Variants in CPLX2 observed in about 807,000 individuals in gnomAD.
CPLX2 encodes the protein complexin-2.
A neutral mutation model predicts 16.3 loss-of-function variants in CPLX2; 5 were observed. That is an observed-to-expected ratio of 0.31 (90% CI 0.16 to 0.64). CPLX2 has a LOEUF of 0.64. Among genes scored for constraint, CPLX2 ranks in the 30% least tolerant of loss-of-function variants. The pLI is 0.79. For synonymous variants in CPLX2, 89 were observed against 73.2 expected (o/e 1.22, Z -1.10); for missense variants, 144 against 181.4 (o/e 0.79, Z 1.18).
intron 2 of CPLX2, among the ~76,000 whole-genome samples, chr5:175,838,523 C>T (rs1430028104): frequency 6.6e-6 from 1 of 151,846 alleles, no homozygotes; most frequent in Non-Finnish European, 1.5e-5. Context: ...CCGCCTCGGC[C>T]TCCCAAAAGT....
At chr5:175,805,102 C>CT (rs1758171954) in intron 1 of CPLX2, among the ~76,000 whole-genome samples, 1 of 152,202 alleles carries the variant, frequency 6.6e-6, no homozygotes, top group Non-Finnish European at 1.5e-5. Context: ...GCTGTGGCCG[C>CT]TGCTGGTGGT....
chr5:175,810,848 T>C (rs1758299187), intron 2 of CPLX2, among the ~76,000 whole-genome samples: 1 of 152,220 alleles, frequency 6.6e-6, no homozygotes, highest in Non-Finnish European at 1.5e-5. Flanking sequence ...AATAAACTGG[T>C]CAGGTGGAAT....
chr5:175,874,011 G>GCAC (rs1759698892), intron 1 of CPLX2, among the ~76,000 whole-genome samples: 2 of 152,212 alleles, frequency 1.3e-5, no homozygotes, highest in African/African-American at 4.8e-5. Flanking sequence ...TGCAAGAGGT[G>GCAC]GCACACGAGC....
intron 1 of CPLX2, among the ~76,000 whole-genome samples, chr5:175,874,804 G>A (rs188607793): frequency 6.6e-6 from 1 of 152,248 alleles, no homozygotes; most frequent in African/African-American, 2.4e-5. Flanking sequence ...GAGACAGAGG[G>A]GCAGGAGAGG....
chr5:175,806,521 A>G (rs1379897259), intron 1 of CPLX2, among the ~76,000 whole-genome samples: 1 of 151,660 alleles, frequency 6.6e-6, no homozygotes, highest in Non-Finnish European at 1.5e-5. Context: ...ACAGAGTTTC[A>G]CTCTTGTTGC....
intron 2 of CPLX2, among the ~76,000 whole-genome samples, chr5:175,810,953 T>G (rs1011540467): frequency 6.6e-6 from 1 of 152,348 alleles, no homozygotes. Context: ...GTGTTATAGA[T>G]TCTATTCAAT....
chr5:175,815,989 A>T (rs1758399957), intron 2 of CPLX2, among the ~76,000 whole-genome samples: 1 of 152,184 alleles, frequency 6.6e-6, no homozygotes, highest in South Asian at 2.1e-4. Flanking sequence ...TACTGTGGCA[A>T]CCAGTTAATC....
chr5:175,805,080 T>A (rs1408947629), intron 1 of CPLX2, among the ~76,000 whole-genome samples: 1 of 152,242 alleles, frequency 6.6e-6, no homozygotes, highest in Non-Finnish European at 1.5e-5. Flanking sequence ...AAGCATTCGG[T>A]AAACTCTTGC....
At chr5:175,836,513 C>T (rs1053825468) in intron 2 of CPLX2, among the ~76,000 whole-genome samples, 1 of 152,198 alleles carries the variant, frequency 6.6e-6, no homozygotes, top group African/African-American at 2.4e-5. Flanking sequence ...CTCTACTCTC[C>T]TGGGGTTGTC....
At chr5:175,802,906 A>C (rs1373163341) in intron 1 of CPLX2, among the ~76,000 whole-genome samples, 1 of 151,328 alleles carries the variant, frequency 6.6e-6, no homozygotes, top group Non-Finnish European at 1.5e-5. Context: ...ATCTTGGTTC[A>C]CTGCAACATC....
upstream of CPLX2, among the ~76,000 whole-genome samples, chr5:175,868,696 G>GTT (rs559177106): frequency 6.9e-6 from 1 of 145,644 alleles, no homozygotes; most frequent in Non-Finnish European, 1.5e-5. Context: ...TTCGTGGCAG[G>GTT]TTTTTTTTTT....
chr5:175,835,728 C>CTTTTTTTTTTTTTTTTTTT (rs71575283), intron 2 of CPLX2, among the ~76,000 whole-genome samples: 1 of 54,770 alleles, frequency 1.8e-5, no homozygotes, highest in Non-Finnish European at 3.1e-5. Context: ...TATTTATTTA[C>CTTTTTTTTTTTTTTTTTTT]TTTTTTTTTT....
chr5:175,880,377 GT>G lies in CPLX2; in HGVS notation c.*333del, dbSNP rs1252673907. ...GCTCCCCACTGCCAGGAGGACCACT[GT>G]CCCCAGCCAGCCAAAGTAATGACAC... On this transcript the variant is annotated 3_prime_UTR_variant, in exon 4 of 4. Coordinates refer to ENST00000393745, the MANE Select transcript of CPLX2 (RefSeq NM_001008220.2). The G allele has an allele frequency of 1.3e-5, 5 of 397,996 alleles. No individual in the cohort carries two copies. The East Asian group carries it at 3.0e-4, about 24-fold the overall frequency. The allele number at this position is 397,996 out of a possible 1,614,324, so 24.7% of individuals were successfully genotyped here.
intron 2 of CPLX2, among the ~76,000 whole-genome samples, chr5:175,814,588 C>G (rs1443268317): frequency 1.3e-5 from 2 of 152,114 alleles, no homozygotes; most frequent in Non-Finnish European, 1.5e-5. Context: ...TCACAGCAGC[C>G]TTAGAGAGGG....
chr5:175,814,812 A>G (rs994345373), intron 2 of CPLX2, among the ~76,000 whole-genome samples: 42 of 152,150 alleles, frequency 2.8e-4, no homozygotes, highest in Non-Finnish European at 1.5e-5. Context: ...TCTGGGATGC[A>G]TCTCAGCCAC....
chr5:175,871,415 G>GAGAGAGAGAGAGAC (rs1759594413), upstream of CPLX2: 1 of 102,358 alleles, frequency 9.8e-6, no homozygotes, highest in African/African-American at 4.3e-5. Context: ...AGAGAGGAGA[G>GAGAGAGAGAGAGAC]AGAGAGAGAG....
intron 1 of CPLX2, among the ~76,000 whole-genome samples, chr5:175,802,981 G>A (rs747478273): frequency 6.6e-5 from 10 of 152,088 alleles, no homozygotes; most frequent in Admixed American, 2.6e-4. Context: ...ACAGGCACCC[G>A]CCATCACACC....
At chr5:175,842,650 T>A (rs1275952310) in intron 2 of CPLX2, among the ~76,000 whole-genome samples, 2 of 152,184 alleles carry the variant, frequency 1.3e-5, no homozygotes, top group Non-Finnish European at 2.9e-5. Context: ...CCTCCTCCCC[T>A]GGCCCCAGCC....
intron 1 of CPLX2, among the ~76,000 whole-genome samples, chr5:175,874,278 T>C (rs891662619): frequency 1.3e-5 from 2 of 152,146 alleles, no homozygotes; most frequent in Non-Finnish European, 2.9e-5. Context: ...AGGGTGGGGA[T>C]GTAGGCAGCA....
Sources: gnomAD v4.1 joint callset for allele counts (sites outside exome capture counted in the v4.1 genomes callset) on GRCh38, gnomAD v4.1.1 for gene constraint, MANE v1.5 for transcripts, NCBI Gene and HGNC (gene_info 2026-07-23, HGNC 2026-07-21) for gene names.